The following AGRN variants were observed in gnomAD, a reference collection of about 807,000 sequenced individuals.
The protein encoded by AGRN is agrin.
Under a neutral mutation model 211.0 loss-of-function variants are expected in AGRN, and 106 were observed. The ratio of observed to expected loss-of-function variants is 0.50; its 90% CI spans 0.43 to 0.59. The LOEUF (loss-of-function observed/expected upper bound fraction) is 0.59. AGRN is among the 20% of genes least tolerant of loss of function. The pLI, the probability that AGRN is intolerant of heterozygous loss-of-function variation, is 0.00. For synonymous variants in AGRN, 1,525 were observed against 1,332.5 expected (o/e 1.14, Z -3.15); for missense variants, 3,040 against 2,982.6 (o/e 1.02, Z -0.45).
rs764015144 is a variant in AGRN, at chr1:1,050,825, G to C, written c.5241G>C (p.Leu1747Phe). 1 of 1,581,232 alleles carries C rather than the reference G, an allele frequency of 6.3e-7. No individual in the cohort carries two copies. The highest frequency in any genetic ancestry group is 1.3e-5 in the African/African-American group (1 of 74,470). The change falls in exon 30 of 36, where the codon TTG (leucine) becomes TTC (phenylalanine). Residue 1747 changes from leucine (L) to phenylalanine (F), a missense_variant. Physicochemically the swap from Leu to Phe is conservative, Grantham distance 22. This residue lies in a region of AGRN where 1,537 missense variants were observed against 1,505.0 expected (regional missense o/e 1.02). Coordinates refer to ENST00000379370, the MANE Select transcript of AGRN (RefSeq NM_198576.4). ...ALRVGDGPRV[L>F]GESPVPHTVL... The stretch of plus-strand genomic sequence containing the variant: ...GTGTGGGCGACGGCCCCCGTGTGTT[G>C]GGGGAGTCCCCGGTGAGTGCTCTGG...
Position 1,046,922 on chromosome 1 carries a change from C to A in AGRN, c.3353C>A (p.Thr1118Lys), listed in dbSNP as rs149159118. Reference protein sequence around the residue: ...SALGCCSDGKTPSLDAEGSNC... With the variant: ...SALGCCSDGKKPSLDAEGSNC... ...TTGGGCTGCTGCTCTGATGGGAAGA[C>A]GCCCTCGCTGGACGCAGAGGGCTCC... The change falls in exon 19 of 36, where the codon ACG (threonine) becomes AAG (lysine). Residue 1118 changes from threonine to lysine, a missense_variant. Transcript: ENST00000379370. 3,103 of 1,579,524 alleles carry A rather than the reference C, an allele frequency of 2.0e-3. 2 individuals are homozygous for A. Among genetic ancestry groups the A allele is most frequent in the Non-Finnish European group, 2.1e-3 (2,438 of 1,163,596 alleles).
In AGRN at chr1:1,045,501, C is replaced by T. The variant is rs199577370; in HGVS notation, c.2514C>T (p.Thr838=). 5.3e-5 allele frequency: 86 copies of T among 1,612,948 alleles called. No homozygotes were observed. The highest frequency in any genetic ancestry group is 7.0e-5 in the Non-Finnish European group (83 of 1,179,946). Reference sequence around the variant, plus strand: ...TCTGGAACTTTCGAGGCATCGTCACCGATGGCCGGAGTGGCTGTACACGTG... The same window carrying T: ...TCTGGAACTTTCGAGGCATCGTCACTGATGGCCGGAGTGGCTGTACACGTG... ...PGFWNFRGIV[T]DGRSGCTPCS... Residue 838 remains threonine (T), a synonymous_variant, in exon 14 of 36, where the codon ACC becomes ACT. Coordinates refer to ENST00000379370, the MANE Select transcript of AGRN (RefSeq NM_198576.4).
Position 1,046,156 on chromosome 1 carries a change from C to T in AGRN, c.2806-4C>T, listed in dbSNP as rs1167059785. 1 of 1,613,886 alleles carries T rather than the reference C, an allele frequency of 6.2e-7. No individual in the cohort carries two copies. ...GCCTTGAACATCCTTGTTCTCTGCC[C>T]CAGGTCTGTGGGTCAGATGGAGTCA... On this transcript the variant is annotated splice_polypyrimidine_tract_variant and splice_region_variant and intron_variant, in intron 16 of 35. Coordinates refer to ENST00000379370, the MANE Select transcript of AGRN (RefSeq NM_198576.4).
At position 1,046,258 on chromosome 1, in the gene AGRN, G is replaced by C. The variant is rs761226422; in HGVS notation, c.2904G>C (p.Pro968=). The change falls in exon 17 of 36, where the codon CCG becomes CCC. Residue 968 remains proline, a synonymous_variant. Coordinates refer to ENST00000379370, the MANE Select transcript of AGRN (RefSeq NM_198576.4). ...AAATCTCTATCCAGAGCCTGGGCCCGTGCCAGGGTGAGGCCTGACGGCCAC... is the reference window on the plus strand; with the variant it reads ...AAATCTCTATCCAGAGCCTGGGCCCCTGCCAGGGTGAGGCCTGACGGCCAC... ...GLQISIQSLG[P]CQEAVAPSTH... 6.8e-6 allele frequency: 11 copies of C among 1,613,094 alleles called. No homozygotes were observed. The Admixed American group carries it at 1.3e-4, about 20-fold the overall frequency.
intron 2 of AGRN, among the ~76,000 whole-genome samples, chr1:1,027,482 C>T (rs2100578957): frequency 6.6e-6 from 1 of 152,312 alleles, no homozygotes; most frequent in Non-Finnish European, 1.5e-5. Flanking sequence ...CTCGCCTCAG[C>T]TTGCTGTTGG....
Position 1,048,857 on chromosome 1 carries a change from C to A in AGRN, c.4106-10C>A. On this transcript the variant is annotated splice_polypyrimidine_tract_variant and intron_variant, in intron 23 of 35. Transcript: ENST00000379370. The surrounding 1 kb of genome is among the most constrained non-coding windows in gnomAD (Gnocchi z 5.9). ...CTTTTCCAGCCGGCCCTCCCGGTCG[C>A]CCTTTGCAGTGCTTGGCGCCCCTGT... 6.5e-7 allele frequency: 1 copy of A among 1,534,622 alleles called. No individual in the cohort carries two copies.
At chr1:1,022,089 T>C in intron 1 of AGRN, 112 bp from the exon 2 acceptor site, 1 of 1,402,142 alleles carries the variant, frequency 7.1e-7, no homozygotes, top group Non-Finnish European at 9.9e-7. Flanking sequence ...TCCCCACATC[T>C]CTGCCCAGGG....
Position 1,048,114 on chromosome 1 carries a change from C to T in AGRN, c.3854C>T (p.Thr1285Ile), listed in dbSNP as rs1286923500. 1 of 1,568,216 alleles carries T rather than the reference C, an allele frequency of 6.4e-7. No homozygotes were observed. The highest frequency in any genetic ancestry group is 8.6e-7 in the Non-Finnish European group (1 of 1,164,634). ...TCGCGCCTGCCGTCCTCTGCTGTGACCCCTCGGGCCCCGCACCCCAGTCAC... is the reference window on the plus strand; with the variant it reads ...TCGCGCCTGCCGTCCTCTGCTGTGATCCCTCGGGCCCCGCACCCCAGTCAC... ...TASRLPSSAVTPRAPHPSHTS... is the reference protein window; with the variant it reads ...TASRLPSSAVIPRAPHPSHTS... The change falls in exon 23 of 36, where the codon ACC becomes ATC. Residue 1285 changes from threonine to isoleucine, a missense_variant. Around this residue, in one of 3 missense-constraint regions of AGRN, gnomAD observed 1,537 missense variants for 1,505.0 expected, o/e 1.02. Coordinates refer to ENST00000379370, the MANE Select transcript of AGRN (RefSeq NM_198576.4). The surrounding 1 kb of genome is among the most constrained non-coding windows in gnomAD (Gnocchi z 5.9).
chr1:1,035,169 T>TGGGGGG (rs56001364), intron 2 of AGRN, 108 bp from the exon 3 acceptor site: 1 of 882,624 alleles, frequency 1.1e-6, no homozygotes. Context: ...GGGCTAGCGG[T>TGGGGGG]GGGGGGGGGG....
chr1:1,044,495 G>A (rs746922458), intron 12 of AGRN, 56 bp downstream of exon 12: 29 of 1,524,528 alleles, frequency 1.9e-5, no homozygotes, highest in East Asian at 1.2e-4. Context: ...CTGGGTTTCC[G>A]TGTCTGGATG....
At chr1:1,041,438 G>T (rs764855779) in intron 5 of AGRN, 40 bp from the exon 6 acceptor site, 2 of 1,554,710 alleles carry the variant, frequency 1.3e-6, no homozygotes, top group South Asian at 2.3e-5. Context: ...CTCTGTGGGC[G>T]CGCGGCGACA....
At chr1:1,030,142 CATGTGT>C (rs367662337) in intron 2 of AGRN, among the ~76,000 whole-genome samples, 16 of 7,466 alleles carry the variant, frequency 2.1e-3, no homozygotes, top group Admixed American at 5.6e-3. Flanking sequence ...GTGAGATCAG[CATGTGT>C]GTGTGTGTGT....
Position 1,043,575 on chromosome 1 carries a change from G to A in AGRN, c.1641G>A (p.Glu547=). The change falls in exon 9 of 36, where the codon GAG becomes GAA. Residue 547 remains glutamate, a synonymous_variant. Coordinates refer to ENST00000379370, the MANE Select transcript of AGRN (RefSeq NM_198576.4). ...AGTGCCGCTTTGGAGCCCTGTGCGAGGCCGAGACCGGGCGCTGCGTGTGCC... is the reference window on the plus strand; with the variant it reads ...AGTGCCGCTTTGGAGCCCTGTGCGAAGCCGAGACCGGGCGCTGCGTGTGCC... ...CGQCRFGALC[E]AETGRCVCPS... The A allele has an allele frequency of 5.6e-6, 9 of 1,605,214 alleles. No homozygotes were observed. Among genetic ancestry groups the A allele is most frequent in the Non-Finnish European group, 7.6e-6 (9 of 1,179,814 alleles).
Position 1,048,358 on chromosome 1 carries a change from T to A in AGRN, c.4098T>A (p.Cys1366Ter). ...CGGCAGGCAGGGGAGGCGCCGTCTGTGAGAAGGGTAAGGATGTCCACTGCA... is the reference window on the plus strand; with the variant it reads ...CGGCAGGCAGGGGAGGCGCCGTCTGAGAGAAGGGTAAGGATGTCCACTGCA... The part of the protein sequence containing the change: ...SCPAGRGGAV[C>*]EKVLGAPVPA... Residue 1366 changes from cysteine to a stop codon, truncating the protein, a stop_gained, in exon 23 of 36, where the codon TGT (cysteine) becomes TGA (stop). Coordinates refer to ENST00000379370, the MANE Select transcript of AGRN (RefSeq NM_198576.4). LOFTEE classifies it high-confidence loss of function. The surrounding 1 kb of genome is among the most constrained non-coding windows in gnomAD (Gnocchi z 5.9). 6.8e-7 allele frequency: 1 copy of A among 1,462,786 alleles called. No individual in the cohort carries two copies. Among genetic ancestry groups the A allele is most frequent in the Non-Finnish European group, 9.1e-7 (1 of 1,104,032 alleles). 90.6% of individuals were successfully genotyped at this position (1,462,786 alleles called of 1,614,324 possible).
rs1644699350 is a variant in AGRN, at chr1:1,032,703, G to A, written c.464-2574G>A. On this transcript the variant is annotated intron_variant, in intron 2 of 35. Transcript: ENST00000379370. The surrounding 1 kb of genome is among the most constrained non-coding windows in gnomAD (Gnocchi z 4.7). ...ACTGGCGGAGCAGAAGCGCCCTGGC[G>A]CCGGGTCCTTGCTTTCCTGGAGCTG... Among the ~76,000 whole-genome samples the A allele has an allele frequency of 6.6e-6, 1 of 152,212 alleles. No individual in the cohort carries two copies. Among genetic ancestry groups the A allele is most frequent in the Non-Finnish European group, 1.5e-5 (1 of 68,024 alleles).
At chr1:1,054,052 C>T (rs1400122178) in intron 34 of AGRN, 75 bp downstream of exon 34, 1 of 1,472,408 alleles carries the variant, frequency 6.8e-7, no homozygotes, top group Non-Finnish European at 9.3e-7. Context: ...TGTGTCCAGT[C>T]ACTTGTGACC....
chr1:1,045,651 A>G, intron 14 of AGRN, 82 bp from the exon 15 acceptor site: 2 of 1,609,614 alleles, frequency 1.2e-6, no homozygotes, highest in Non-Finnish European at 1.7e-6. Context: ...GGGCAGAGCC[A>G]GGGTTGGGGA....
chr1:1,054,766 G>A (rs1645406388), intron 35 of AGRN, 58 bp from the exon 36 acceptor site: 1 of 1,535,270 alleles, frequency 6.5e-7, no homozygotes, highest in Non-Finnish European at 8.7e-7. Flanking sequence ...CTGCTCGTTG[G>A]GGTGCCCATC....
Position 1,048,075 on chromosome 1 carries a change from G to A in AGRN, c.3815G>A (p.Arg1272Lys), listed in dbSNP as rs1570232895. Residue 1272 changes from arginine (R) to lysine (K), a missense_variant, in exon 23 of 36, where the codon AGA becomes AAA. By Grantham distance (26) the Arg-to-Lys change is conservative (BLOSUM62 2). Around this residue, in one of 3 missense-constraint regions of AGRN, gnomAD observed 1,537 missense variants for 1,505.0 expected, o/e 1.02. Coordinates refer to ENST00000379370, the MANE Select transcript of AGRN (RefSeq NM_198576.4). The surrounding 1 kb of genome is among the most constrained non-coding windows in gnomAD (Gnocchi z 5.9). Reference sequence around the variant, plus strand: ...GCCATTGCTGCGGGAGCCACGGCCAGAGCCACCACTGCATCGCGCCTGCCG... The same window carrying A: ...GCCATTGCTGCGGGAGCCACGGCCAAAGCCACCACTGCATCGCGCCTGCCG... ...SGAIAAGATA[R>K]ATTASRLPSS... is the part of the protein sequence containing the mutation. The A allele has an allele frequency of 3.8e-6, 6 of 1,583,154 alleles. No homozygotes were observed. Among genetic ancestry groups the A allele is most frequent in the Non-Finnish European group, 4.3e-6 (5 of 1,171,746 alleles).
Sources: gnomAD v4.1 joint callset for allele counts (sites outside exome capture counted in the v4.1 genomes callset) on GRCh38, gnomAD v4.1.1 for gene constraint, gnomAD v4.1.1 regional missense constraint, Gnocchi (gnomAD v3.1) non-coding constraint, MANE v1.5 for transcripts, NCBI Gene and HGNC (gene_info 2026-07-23, HGNC 2026-07-21) for gene names.